The following PPP1R12C variants were observed in gnomAD, a reference collection of about 807,000 sequenced individuals.
PPP1R12C encodes the protein leukocyte receptor cluster (LRC) encoded novel gene 3.
Under a neutral mutation model 95.6 loss-of-function variants are expected in PPP1R12C, and 48 were observed. That is an observed-to-expected ratio of 0.50 (90% CI 0.40 to 0.64). The LOEUF is 0.64. Ranked by LOEUF, PPP1R12C falls within the 30% of genes least tolerant of loss-of-function variation. The pLI is 0.00. For synonymous variants in PPP1R12C, 480 were observed against 460.8 expected (o/e 1.04, Z -0.53); for missense variants, 1,057 against 1,083.3 (o/e 0.98, Z 0.34).
chr19:55,112,826 CT>C, intron 1 of PPP1R12C, 31 bp from the exon 2 acceptor site: 1 of 1,608,398 alleles, frequency 6.2e-7, no homozygotes. Context: ...TCAGCCGCAC[CT>C]ACCCCAGCCA....
chr19:55,106,773 C>T (rs1177843549), intron 3 of PPP1R12C, among the ~76,000 whole-genome samples: 1 of 152,176 alleles, frequency 6.6e-6, no homozygotes, highest in Non-Finnish European at 1.5e-5. Flanking sequence ...CACTTTGCCC[C>T]ATATGGTTTC....
At chr19:55,105,033 G>A (rs2085022641) in intron 3 of PPP1R12C, among the ~76,000 whole-genome samples, 1 of 149,688 alleles carries the variant, frequency 6.7e-6, no homozygotes, top group South Asian at 2.1e-4. Flanking sequence ...GCCTCCCAAA[G>A]TGCTGAAATT....
rs569940225 is a variant in PPP1R12C at position 55,095,934 on chromosome 19, G to C, written c.1160C>G (p.Pro387Arg). 4.7e-5 allele frequency: 76 copies of C among 1,612,950 alleles called. 1 individual carries two copies. The highest frequency in any genetic ancestry group is 3.0e-4 in the Admixed American group (18 of 59,964). ...DEGEEGPTEP[P>R]PAEPRTLNGV... is the part of the protein sequence containing the mutation. ...ATTGAGGGTTCTGGGTTCTGCAGGG[G>C]GTGGTTCTGTGATGTGGGAACACCG... The change falls in exon 9 of 22, where the codon CCC (proline) becomes CGC (arginine). Residue 387 changes from proline to arginine, a missense_variant. This residue lies in a region of PPP1R12C where 356 missense variants were observed against 330.5 expected (regional missense o/e 1.08). Transcript: ENST00000263433.
Position 55,099,015 on chromosome 19 carries a change from C to A in PPP1R12C, c.812G>T (p.Gly271Val), listed in dbSNP as rs1440705985. 6.4e-7 allele frequency: 1 copy of A among 1,555,784 alleles called. No homozygotes were observed. The highest frequency in any genetic ancestry group is 8.7e-7 in the Non-Finnish European group (1 of 1,150,112). ...WTPLHAAAHW[G>V]VEDACRLLAE... ...CAGCAGGCGGCAGGCATCCTCCACG[C>A]CCCAGTGTGCCGCTGCGTGCAGGGG... is the stretch of plus-strand genomic sequence containing the variant. The change falls in exon 5 of 22, where the codon GGC becomes GTC. Residue 271 changes from glycine to valine, a missense_variant. Around this residue, in one of 5 missense-constraint regions of PPP1R12C, gnomAD observed 282 missense variants for 380.4 expected, o/e 0.74. Transcript: ENST00000263433.
chr19:55,115,924 G>A (rs545001027), intron 1 of PPP1R12C, among the ~76,000 whole-genome samples: 2 of 152,208 alleles, frequency 1.3e-5, no homozygotes, highest in Non-Finnish European at 2.9e-5. Context: ...CGGGTTGGAG[G>A]AAGAAGACTA....
chr19:55,108,912 G>C (rs79545077), intron 3 of PPP1R12C, among the ~76,000 whole-genome samples: 1 of 152,040 alleles, frequency 6.6e-6, no homozygotes, highest in African/African-American at 2.4e-5. Context: ...CTCCATGTTG[G>C]TCAGGTTGGC....
At chr19:55,102,215 A>G (rs2084986887) in intron 4 of PPP1R12C, among the ~76,000 whole-genome samples, 1 of 152,186 alleles carries the variant, frequency 6.6e-6, no homozygotes, top group Non-Finnish European at 1.5e-5. Flanking sequence ...GAACAATTTA[A>G]ACTATATATG....
chr19:55,097,881 G>A (rs550716707), intron 6 of PPP1R12C, among the ~76,000 whole-genome samples: 3 of 152,142 alleles, frequency 2.0e-5, no homozygotes, highest in African/African-American at 7.2e-5. Flanking sequence ...TCACCCTCAG[G>A]ATGGAAGCCA....
intron 7 of PPP1R12C, 30 bp downstream of exon 7, chr19:55,096,232 C>A (rs775703693): frequency 3.1e-6 from 5 of 1,613,596 alleles, no homozygotes; most frequent in Admixed American, 1.7e-5. Flanking sequence ...CCAGCCACCC[C>A]GCCAGCCCTG....
In PPP1R12C at chr19:55,103,471, G is replaced by A. The variant is rs770001544; in HGVS notation, c.669C>T (p.His223=). Residue 223 remains histidine (H), a synonymous_variant, in exon 4 of 22, where the codon CAC becomes CAT. Coordinates refer to ENST00000263433, the MANE Select transcript of PPP1R12C (RefSeq NM_017607.4). ...GCAGGGCAGAGGCGCCTGTGCGGGG[G>A]TGCCGGGCCTCTGGCATGGCGCCCC... The part of the protein sequence containing the change: ...LNGGAMPEAR[H]PRTGASALHV... The A allele has an allele frequency of 5.0e-6, 8 of 1,598,728 alleles. No homozygotes were observed. In the Admixed American group the frequency reaches 8.4e-5, roughly 17 times the overall value.
intron 3 of PPP1R12C, among the ~76,000 whole-genome samples, chr19:55,111,152 G>A (rs866930703): frequency 8.0e-4 from 49 of 60,990 alleles, no homozygotes; most frequent in Admixed American, 4.2e-3. Flanking sequence ...TGGGGGGGAG[G>A]GGGGGGTGCA....
intron 4 of PPP1R12C, among the ~76,000 whole-genome samples, chr19:55,100,335 C>A (rs970917748): frequency 1.3e-5 from 2 of 152,226 alleles, no homozygotes; most frequent in Non-Finnish European, 2.9e-5. Context: ...TTCTCACAAC[C>A]AGGGATGCTC....
rs1568807598 is a variant in PPP1R12C, at chr19:55,095,848, TCTCAGGGCATCCA to T, written c.1227+6_1227+18del. 6.2e-7 allele frequency: 1 copy of T among 1,612,348 alleles called. No individual in the cohort carries two copies. The highest frequency in any genetic ancestry group is 1.7e-5 in the Admixed American group (1 of 59,962). ...CGGGCCCTCCCAGCCTCACAGGACC[TCTCAGGGCATCCA>T]CTCACCACGGGACTCTTAGGGCTGG... On this transcript the variant is annotated splice_donor_region_variant and intron_variant, in intron 9 of 21. Coordinates refer to ENST00000263433, the MANE Select transcript of PPP1R12C (RefSeq NM_017607.4).
chr19:55,096,395 C>A, intron 6 of PPP1R12C, 60 bp from the exon 7 acceptor site: 1 of 1,554,658 alleles, frequency 6.4e-7, no homozygotes, highest in Non-Finnish European at 8.9e-7. Flanking sequence ...CACAGCAACA[C>A]CACCACAAAC....
In PPP1R12C at chr19:55,105,717, T is replaced by C. The variant is rs142580123; in HGVS notation, c.572-2149A>G. 2.6e-5 allele frequency among the ~76,000 whole-genome samples: 4 copies of C among 152,238 alleles called. No individual in the cohort carries two copies. In the East Asian group the frequency reaches 7.7e-4, roughly 29 times the overall value. On this transcript the variant is annotated intron_variant, in intron 3 of 21. Coordinates refer to ENST00000263433, the MANE Select transcript of PPP1R12C (RefSeq NM_017607.4). ...ATCCCAGTACTTTGGGAGGCCAAGA[T>C]GGGAGATCACTTGAGCCCACTAGTT...
At chr19:55,103,000 G>A (rs573739697) in intron 4 of PPP1R12C, among the ~76,000 whole-genome samples, 2 of 152,086 alleles carry the variant, frequency 1.3e-5, no homozygotes, top group Admixed American at 6.5e-5. Flanking sequence ...CCAGGAGTTC[G>A]AGACAAGCCT....
intron 3 of PPP1R12C, 69 bp from the exon 4 acceptor site, chr19:55,103,637 G>A (rs1303440848): frequency 1.4e-6 from 2 of 1,408,904 alleles, no homozygotes; most frequent in Admixed American, 2.5e-5. Flanking sequence ...TCATACACTG[G>A]GCTGGCCAGG....
In PPP1R12C at chr19:55,094,667, C is replaced by T. The variant is rs771805284; in HGVS notation, c.1586G>A (p.Arg529Gln). The change falls in exon 12 of 22, where the codon CGA (arginine) becomes CAA (glutamine). Residue 529 changes from arginine to glutamine, a missense_variant. Physicochemically the swap from Arg to Gln is conservative, Grantham distance 43 (BLOSUM62 1). Around this residue, in one of 5 missense-constraint regions of PPP1R12C, gnomAD observed 356 missense variants for 330.5 expected, o/e 1.08. Transcript: ENST00000263433. ...STAPPADSRD[R>Q]RRSYQMPVRD... is the part of the protein sequence containing the mutation. ...CCTGCCCTGGCCTCTTCACCTCCGTCGGTCCCGGGAGTCCGCTGGGGGCGC... is the reference window on the plus strand; with the variant it reads ...CCTGCCCTGGCCTCTTCACCTCCGTTGGTCCCGGGAGTCCGCTGGGGGCGC... 19 of 1,591,002 alleles carry T rather than the reference C, an allele frequency of 1.2e-5. No homozygotes were observed. Among genetic ancestry groups the T allele is most frequent in the East Asian group, 4.5e-5 (2 of 44,702 alleles).
chr19:55,091,587 G>T, intron 21 of PPP1R12C, 29 bp from the exon 22 acceptor site: 1 of 1,611,304 alleles, frequency 6.2e-7, no homozygotes, highest in Non-Finnish European at 8.5e-7. Context: ...CAGCTGGGCA[G>T]CCCTGGCGGG....
Sources: gnomAD v4.1 joint callset for allele counts (sites outside exome capture counted in the v4.1 genomes callset) on GRCh38, gnomAD v4.1.1 for gene constraint, gnomAD v4.1.1 regional missense constraint, MANE v1.5 for transcripts, NCBI Gene and HGNC (gene_info 2026-07-23, HGNC 2026-07-21) for gene names.